Variants in EPAS1 observed in about 807,000 individuals in gnomAD.
The protein encoded by EPAS1 is endothelial PAS domain protein 1, also known as endothelial PAS domain-containing protein 1.
Under a neutral mutation model 87.9 loss-of-function variants are expected in EPAS1, and 23 were observed. The observed-to-expected ratio is 0.26, with a 90% CI of 0.19 to 0.37. The LOEUF is 0.37. Among genes scored for constraint, EPAS1 ranks in the 10% least tolerant of loss-of-function variants. The pLI, the probability that EPAS1 is intolerant of heterozygous loss-of-function variation, is 1.00. For synonymous variants in EPAS1, 508 were observed against 444.3 expected, an observed-to-expected ratio of 1.14 and a Z score of -1.80; for missense variants, 1,138 against 1,120.7, an observed-to-expected ratio of 1.02 and a Z score of -0.22.
Position 46,381,626 on chromosome 2 carries a change from A to T in EPAS1, c.2076A>T (p.Pro692=). ...CAAAGGGTTTTGGGGCTCGAGGCCC[A>T]GACGTGCTGAGTCCGGCCATGGTAG... ...RSAKGFGARG[P]DVLSPAMVAL... The change falls in exon 13 of 16, where the codon CCA becomes CCT. Residue 692 remains proline (P), a synonymous_variant. Transcript: ENST00000263734. 6.2e-7 allele frequency: 1 copy of T among 1,613,962 alleles called. No homozygotes were observed.
intron 1 of EPAS1, among the ~76,000 whole-genome samples, chr2:46,301,848 A>C (rs1007880039): frequency 5.9e-5 from 9 of 151,298 alleles, no homozygotes; most frequent in African/African-American, 2.2e-4. Context: ...AAGGAAGCAG[A>C]GTTGAATTGA....
At chr2:46,342,346 C>T (rs1209713646) in intron 1 of EPAS1, among the ~76,000 whole-genome samples, 2 of 152,202 alleles carry the variant, frequency 1.3e-5, no homozygotes, top group African/African-American at 4.8e-5. Context: ...CTCCCAATTG[C>T]ATTTGACCTT....
At position 46,376,670 on chromosome 2, in the gene EPAS1, T is replaced by G; in HGVS notation, c.1166T>G (p.Leu389Arg). ...GCTGTGTCTGAGAAGAGTAACTTCC[T>G]ATTCACCAAGCTAAAGGAGGAGCCC... Reference protein sequence around the residue: ...KGAVSEKSNFLFTKLKEEPEE... With the variant: ...KGAVSEKSNFRFTKLKEEPEE... Residue 389 changes from leucine (L) to arginine (R), a missense_variant, in exon 9 of 16, where the codon CTA becomes CGA. Physicochemically the swap from Leu to Arg is moderately radical, Grantham distance 102. Coordinates refer to ENST00000263734, the MANE Select transcript of EPAS1 (RefSeq NM_001430.5). 1 of 1,614,144 alleles carries G rather than the reference T, an allele frequency of 6.2e-7. No individual in the cohort carries two copies. The highest frequency in any genetic ancestry group is 1.1e-5 in the South Asian group (1 of 91,084).
rs371598937 is a variant in EPAS1, at chr2:46,320,584, T to C, written c.26+22647T>C. On this transcript the variant is annotated intron_variant, in intron 1 of 15. Coordinates refer to ENST00000263734, the MANE Select transcript of EPAS1 (RefSeq NM_001430.5). ...AGGAGAATAGGGATTTTGAAGCCAC[T>C]GGGTGAACACACTGGACAGCCAGAG... is the stretch of plus-strand genomic sequence containing the variant. Among the ~76,000 whole-genome samples, 182 of 152,338 alleles carry C rather than the reference T, an allele frequency of 1.2e-3. 1 individual carries two copies. Among genetic ancestry groups the C allele is most frequent in the African/African-American group, 3.6e-3 (149 of 41,570 alleles).
chr2:46,350,790 G>A (rs1479940503), intron 2 of EPAS1, among the ~76,000 whole-genome samples: 1 of 152,226 alleles, frequency 6.6e-6, no homozygotes, highest in East Asian at 1.9e-4. Flanking sequence ...CCATGGACCT[G>A]GAGATCAGCG....
At chr2:46,359,107 A>G (rs1684332518) in intron 4 of EPAS1, among the ~76,000 whole-genome samples, 1 of 151,754 alleles carries the variant, frequency 6.6e-6, no homozygotes, top group South Asian at 2.1e-4. Flanking sequence ...AAAAATACAA[A>G]AATTAGCTGG....
At chr2:46,317,106 C>T (rs978835060) in intron 1 of EPAS1, among the ~76,000 whole-genome samples, 5 of 152,230 alleles carry the variant, frequency 3.3e-5, no homozygotes, top group Admixed American at 6.5e-5. Flanking sequence ...TCTTCCACAT[C>T]TGCAGTTACT....
At position 46,309,689 on chromosome 2, in the gene EPAS1, A is replaced by C. The variant is rs143796294; in HGVS notation, c.26+11752A>C. Among the ~76,000 whole-genome samples, 4 of 152,284 alleles carry C rather than the reference A, an allele frequency of 2.6e-5. 1 individual carries two copies. The highest frequency in any genetic ancestry group is 1.5e-5 in the Non-Finnish European group (1 of 68,022). On this transcript the variant is annotated intron_variant, in intron 1 of 15. Coordinates refer to ENST00000263734, the MANE Select transcript of EPAS1 (RefSeq NM_001430.5). The stretch of plus-strand genomic sequence containing the variant: ...AAAATGAGAAGGCAGCAATAAACAG[A>C]GTGTGCAGGCCAGGACTGGTGAGCC...
intron 4 of EPAS1, among the ~76,000 whole-genome samples, chr2:46,358,649 G>A (rs1364386588): frequency 1.3e-5 from 2 of 152,198 alleles, no homozygotes; most frequent in East Asian, 3.9e-4. Flanking sequence ...CAGTTCTCAA[G>A]TGCCATGATT....
rs1250862514 is a variant in EPAS1 at position 46,364,367 on chromosome 2, C to T, written c.779+3277C>T. ...GGTACTTGTCTTATATATACTGAGA[C>T]CACAGACACAATCAAGCAAAAAAAG... On this transcript the variant is annotated intron_variant, in intron 6 of 15. Transcript: ENST00000263734. 2.6e-5 allele frequency among the ~76,000 whole-genome samples: 4 copies of T among 151,948 alleles called. 1 individual carries two copies. In the South Asian group the frequency reaches 6.2e-4, roughly 24 times the overall value.
chr2:46,380,542 G>A lies in EPAS1; in HGVS notation c.1870G>A (p.Ala624Thr). The change falls in exon 12 of 16, where the codon GCC becomes ACC. Residue 624 changes from alanine (A) to threonine (T), a missense_variant. Coordinates refer to ENST00000263734, the MANE Select transcript of EPAS1 (RefSeq NM_001430.5). The surrounding 1 kb of genome is among the most constrained non-coding windows in gnomAD (Gnocchi z 4.4). Reference protein sequence around the residue: ...KASLPPCCGQASTPLSSMGGR... With the variant: ...KASLPPCCGQTSTPLSSMGGR... Reference sequence around the variant, plus strand: ...ATCCCTGCCACCGTGCTGTGGCCAGGCCAGCACCCCTCTCTCTTCCATGGG... The same window carrying A: ...ATCCCTGCCACCGTGCTGTGGCCAGACCAGCACCCCTCTCTCTTCCATGGG... 2 of 1,614,116 alleles carry A rather than the reference G, an allele frequency of 1.2e-6. No individual in the cohort carries two copies. The highest frequency in any genetic ancestry group is 1.7e-6 in the Non-Finnish European group (2 of 1,180,018).
intron 6 of EPAS1, among the ~76,000 whole-genome samples, chr2:46,368,224 G>A (rs4145836): frequency 0.091 from 13,853 of 152,206 alleles, 789 homozygotes; most frequent in Admixed American, 0.12. Flanking sequence ...ACGTTGTGCT[G>A]GAGGAACTGG....
At chr2:46,356,127 T>TGGGGGGGGGGGGGGGCG in intron 2 of EPAS1, 24 bp from the exon 3 acceptor site, 1 of 1,395,464 alleles carries the variant, frequency 7.2e-7, no homozygotes, top group Non-Finnish European at 9.9e-7. Flanking sequence ...TCATGCAAGC[T>TGGGGGGGGGGGGGGGCG]GTCCCACCCC....
chr2:46,328,952 T>A (rs1343276144), intron 1 of EPAS1, among the ~76,000 whole-genome samples: 6 of 152,202 alleles, frequency 3.9e-5, no homozygotes, highest in Non-Finnish European at 7.4e-5. Flanking sequence ...TTTTTCCAAA[T>A]AAGCAAAATG....
intron 2 of EPAS1, among the ~76,000 whole-genome samples, chr2:46,350,215 G>C (rs1279790694): frequency 6.6e-6 from 1 of 152,196 alleles, no homozygotes; most frequent in Non-Finnish European, 1.5e-5. Flanking sequence ...TCAAAATGCA[G>C]AGTCGTCAAA....
intron 1 of EPAS1, among the ~76,000 whole-genome samples, chr2:46,309,980 C>G (rs1444375668): frequency 1.3e-5 from 2 of 152,190 alleles, no homozygotes; most frequent in Non-Finnish European, 2.9e-5. Flanking sequence ...CATGATTTGT[C>G]TTCTATAATA....
intron 6 of EPAS1, among the ~76,000 whole-genome samples, chr2:46,369,282 A>C (rs1362208178): frequency 6.6e-6 from 1 of 151,914 alleles, no homozygotes; most frequent in Non-Finnish European, 1.5e-5. Flanking sequence ...GCCTGCCTGG[A>C]CTCCCTCTCA....
chr2:46,375,815 A>G lies in EPAS1; in HGVS notation c.1012A>G (p.Met338Val). Residue 338 changes from methionine to valine, a missense_variant, in exon 8 of 16, where the codon ATG (methionine) becomes GTG (valine). This residue lies in a region of EPAS1 where 284 missense variants were observed against 258.4 expected (regional missense o/e 1.10). Coordinates refer to ENST00000263734, the MANE Select transcript of EPAS1 (RefSeq NM_001430.5). The surrounding 1 kb of genome is among the most constrained non-coding windows in gnomAD (Gnocchi z 4.1). ...TCGCAACCTGCAGCCCCAGTGCATCATGTGTGTCAACTACGTCCTGAGGTA... is the reference window on the plus strand; with the variant it reads ...TCGCAACCTGCAGCCCCAGTGCATCGTGTGTGTCAACTACGTCCTGAGGTA... ...NPRNLQPQCI[M>V]CVNYVLSEIE... 1 of 1,614,176 alleles carries G rather than the reference A, an allele frequency of 6.2e-7. No individual in the cohort carries two copies. Among genetic ancestry groups the G allele is most frequent in the Non-Finnish European group, 8.5e-7 (1 of 1,180,032 alleles).
At chr2:46,344,740 A>G (rs1046433114) in intron 1 of EPAS1, among the ~76,000 whole-genome samples, 7 of 152,200 alleles carry the variant, frequency 4.6e-5, no homozygotes, top group African/African-American at 1.2e-4. Flanking sequence ...GGGATTAGAT[A>G]AAGGAAGCAG....
Sources: allele counts gnomAD v4.1 joint callset (sites outside exome capture counted in the v4.1 genomes callset), GRCh38; gene constraint gnomAD v4.1.1; regional missense constraint gnomAD v4.1.1; non-coding constraint Gnocchi (gnomAD v3.1); transcripts MANE v1.5; gene names NCBI Gene and HGNC (gene_info 2026-07-23, HGNC 2026-07-21).